Variants in TBC1D5 observed in about 807,000 individuals in gnomAD.
TBC1D5 encodes the protein TBC1 domain family member 5, also known as TBC1 domain family, member 5.
A neutral mutation model predicts 100.3 loss-of-function variants in TBC1D5; 75 were observed. That is an observed-to-expected ratio of 0.75 (90% CI 0.62 to 0.91). The LOEUF is 0.91. TBC1D5 is among the 40% of genes least tolerant of loss of function. The pLI is 0.00. For synonymous variants in TBC1D5, 323 were observed against 325.6 expected, an observed-to-expected ratio of 0.99 and a Z score of 0.09; for missense variants, 910 against 942.4, an observed-to-expected ratio of 0.97 and a Z score of 0.45.
chr3:17,696,772 G>A (rs994165187), intron 1 of TBC1D5, among the ~76,000 whole-genome samples: 5 of 152,136 alleles, frequency 3.3e-5, no homozygotes, highest in Non-Finnish European at 5.9e-5. Flanking sequence ...ACATCTTCCC[G>A]ATACCAAAGC....
chr3:17,550,449 C>A (rs1013198662), intron 2 of TBC1D5, among the ~76,000 whole-genome samples: 4 of 151,734 alleles, frequency 2.6e-5, no homozygotes, highest in African/African-American at 9.7e-5. Flanking sequence ...TCATGTTCAT[C>A]TGAATTGAAA....
intron 1 of TBC1D5, among the ~76,000 whole-genome samples, chr3:17,697,678 G>C (rs1243155002): frequency 6.6e-6 from 1 of 152,180 alleles, no homozygotes; most frequent in Admixed American, 6.5e-5. Context: ...TGGCCATACT[G>C]CCCAAGGTAA....
intron 18 of TBC1D5, among the ~76,000 whole-genome samples, chr3:17,186,048 T>A (rs2069017516): frequency 6.6e-6 from 1 of 151,136 alleles, no homozygotes; most frequent in Admixed American, 6.6e-5. Context: ...TTTTTTTTTT[T>A]AAGAGAAAAA....
intron 14 of TBC1D5, among the ~76,000 whole-genome samples, chr3:17,307,063 T>A (rs2083475193): frequency 6.6e-6 from 1 of 152,182 alleles, no homozygotes; most frequent in East Asian, 1.9e-4. Context: ...TAAAAAAGTA[T>A]AATCTAAAAT....
chr3:17,502,298 CACA>C (rs1238379138), intron 3 of TBC1D5, among the ~76,000 whole-genome samples: 1 of 149,836 alleles, frequency 6.7e-6, no homozygotes, highest in Non-Finnish European at 1.5e-5. Context: ...CTGTGCTTAT[CACA>C]ACAATGACTT....
At chr3:17,717,507 G>A (rs931369345) in intron 1 of TBC1D5, among the ~76,000 whole-genome samples, 25 of 152,232 alleles carry the variant, frequency 1.6e-4, no homozygotes, top group African/African-American at 3.6e-4. Context: ...CCCTAAATGA[G>A]ATGAGCATCT....
chr3:17,163,257 C>G (rs1019488435), intron 21 of TBC1D5, among the ~76,000 whole-genome samples: 1 of 50,202 alleles, frequency 2.0e-5, no homozygotes, highest in Non-Finnish European at 3.4e-5. Context: ...TTTTATTGAC[C>G]CCCCCCCCTT....
chr3:17,727,329 C>A (rs1369316497), intron 1 of TBC1D5, among the ~76,000 whole-genome samples: 1 of 152,114 alleles, frequency 6.6e-6, no homozygotes, highest in East Asian at 1.9e-4. Context: ...TGCAGTGAGC[C>A]AAGATCGTGC....
chr3:17,320,769 C>T (rs990206834), intron 13 of TBC1D5, among the ~76,000 whole-genome samples: 1 of 152,104 alleles, frequency 6.6e-6, no homozygotes, highest in Admixed American at 6.5e-5. Flanking sequence ...CTGAATAATC[C>T]ATTGTTCCCC....
intron 13 of TBC1D5, among the ~76,000 whole-genome samples, chr3:17,314,839 T>C (rs1213668269): frequency 6.6e-6 from 1 of 152,238 alleles, no homozygotes; most frequent in African/African-American, 2.4e-5. Flanking sequence ...AGTTATTGGA[T>C]GGCTCTTCTA....
chr3:17,587,706 A>G (rs888023781), intron 2 of TBC1D5, among the ~76,000 whole-genome samples: 2 of 152,054 alleles, frequency 1.3e-5, no homozygotes, highest in African/African-American at 4.8e-5. Flanking sequence ...AGTAACAAAC[A>G]ATACTTTTCT....
At chr3:17,380,407 A>G (rs1358439935) in intron 9 of TBC1D5, among the ~76,000 whole-genome samples, 6 of 151,982 alleles carry the variant, frequency 3.9e-5, no homozygotes, top group African/African-American at 1.2e-4. Flanking sequence ...TAGACTAGTA[A>G]AACCTGTTTA....
chr3:17,555,261 G>C (rs1183994228), intron 2 of TBC1D5, among the ~76,000 whole-genome samples: 1 of 152,128 alleles, frequency 6.6e-6, no homozygotes, highest in Non-Finnish European at 1.5e-5. Context: ...CCAAAGTTAA[G>C]GAATACGACA....
chr3:17,427,051 A>T (rs186706770), intron 4 of TBC1D5, among the ~76,000 whole-genome samples: 1 of 152,104 alleles, frequency 6.6e-6, no homozygotes, highest in East Asian at 1.9e-4. Context: ...GCTATGACAC[A>T]CTCGAATAGG....
At chr3:17,364,900 A>C (rs2092004155) in intron 13 of TBC1D5, among the ~76,000 whole-genome samples, 1 of 152,196 alleles carries the variant, frequency 6.6e-6, no homozygotes, top group Non-Finnish European at 1.5e-5. Flanking sequence ...TGTACTCTAT[A>C]TGATTTTTTT....
intron 1 of TBC1D5, among the ~76,000 whole-genome samples, chr3:17,711,434 G>A (rs1367593195): frequency 6.6e-6 from 1 of 151,858 alleles, no homozygotes; most frequent in Non-Finnish European, 1.5e-5. Flanking sequence ...TCAAGCTCCT[G>A]GTATATTCCT....
chr3:17,563,068 A>G (rs2153479274), intron 2 of TBC1D5, among the ~76,000 whole-genome samples: 1 of 152,360 alleles, frequency 6.6e-6, no homozygotes, highest in South Asian at 2.1e-4. Context: ...TATGTAAATG[A>G]TGAGGGGATA....
chr3:17,335,289 AATT>A (rs1311057118), intron 13 of TBC1D5, among the ~76,000 whole-genome samples: 1 of 152,140 alleles, frequency 6.6e-6, no homozygotes, highest in Non-Finnish European at 1.5e-5. Context: ...GAGTACAGAT[AATT>A]ATTATTAACA....
At chr3:17,406,356 G>T in intron 5 of TBC1D5, 62 bp downstream of exon 5, 1 of 1,419,340 alleles carries the variant, frequency 7.0e-7, no homozygotes, top group Non-Finnish European at 9.6e-7. Flanking sequence ...AATCTTCCAG[G>T]GCATCAGGTA....
Sources: allele counts gnomAD v4.1 joint callset (sites outside exome capture counted in the v4.1 genomes callset), GRCh38; gene constraint gnomAD v4.1.1; transcripts MANE v1.5; gene names NCBI Gene and HGNC (gene_info 2026-07-23, HGNC 2026-07-21).